Variants in KCNIP4 observed in about 807,000 individuals in gnomAD.
KCNIP4 encodes the protein potassium voltage-gated channel interacting protein 4.
Under a neutral mutation model 34.0 loss-of-function variants are expected in KCNIP4, and 12 were observed. That is an observed-to-expected ratio of 0.35 (90% CI 0.23 to 0.57). The LOEUF is 0.57. Ranked by LOEUF, KCNIP4 falls within the 20% of genes least tolerant of loss-of-function variation. The probability of loss-of-function intolerance (pLI) is 0.83; values close to 1 mark genes in which losing one functional copy is unlikely to be tolerated. For synonymous variants in KCNIP4, 124 were observed against 102.2 expected, an observed-to-expected ratio of 1.21 and a Z score of -1.29; for missense variants, 238 against 311.7, an observed-to-expected ratio of 0.76 and a Z score of 1.78.
chr4:20,740,111 G>T (rs1277678339), intron 5 of KCNIP4, among the ~76,000 whole-genome samples: 1 of 152,156 alleles, frequency 6.6e-6, no homozygotes, highest in Non-Finnish European at 1.5e-5. Flanking sequence ...ACGTCTGATT[G>T]GTGTACCTGA....
At chr4:21,106,042 T>G (rs1049265968) in intron 1 of KCNIP4, among the ~76,000 whole-genome samples, 10 of 151,628 alleles carry the variant, frequency 6.6e-5, no homozygotes, top group African/African-American at 2.2e-4. Context: ...ATCAAGGATA[T>G]TGGTCTAAAA....
chr4:21,630,294 A>G (rs968366964), intron 1 of KCNIP4, among the ~76,000 whole-genome samples: 3 of 151,820 alleles, frequency 2.0e-5, no homozygotes, highest in Non-Finnish European at 4.4e-5. Context: ...GTAAAACCCC[A>G]TCTCTACTAA....
At chr4:20,736,910 A>G (rs1342033354) in intron 5 of KCNIP4, among the ~76,000 whole-genome samples, 1 of 152,242 alleles carries the variant, frequency 6.6e-6, no homozygotes, top group Non-Finnish European at 1.5e-5. Context: ...AAAACTTAGT[A>G]CAAAGTTACA....
At chr4:21,020,289 T>G (rs62293776) in intron 1 of KCNIP4, among the ~76,000 whole-genome samples, 8,913 of 152,228 alleles carry the variant, frequency 0.059, 344 homozygotes, top group East Asian at 0.18. Context: ...TACATTGTTA[T>G]CCTCTAGGGA....
intron 1 of KCNIP4, among the ~76,000 whole-genome samples, chr4:21,372,746 G>C (rs1431133274): frequency 6.9e-6 from 1 of 145,946 alleles, no homozygotes; most frequent in Non-Finnish European, 1.5e-5. Flanking sequence ...TTACTACAAG[G>C]AATATGAACT....
intron 1 of KCNIP4, among the ~76,000 whole-genome samples, chr4:21,400,173 T>C (rs1723350896): frequency 6.6e-6 from 1 of 152,190 alleles, no homozygotes. Flanking sequence ...TAATTCATTG[T>C]ATTCCATTAG....
At chr4:21,712,272 G>A (rs527627857) in intron 1 of KCNIP4, among the ~76,000 whole-genome samples, 46 of 152,026 alleles carry the variant, frequency 3.0e-4, no homozygotes, top group Non-Finnish European at 5.7e-4. Flanking sequence ...TGTATTTAGG[G>A]AATTTACCAA....
chr4:21,670,458 T>C (rs905100779), intron 1 of KCNIP4, among the ~76,000 whole-genome samples: 2 of 149,038 alleles, frequency 1.3e-5, no homozygotes, highest in Admixed American at 6.7e-5. Flanking sequence ...CATTGGGAGA[T>C]ATACCTAATG....
At chr4:21,464,076 G>T (rs893025220) in intron 1 of KCNIP4, among the ~76,000 whole-genome samples, 11 of 151,614 alleles carry the variant, frequency 7.3e-5, no homozygotes, top group Non-Finnish European at 1.3e-4. Flanking sequence ...TCCCATTTTT[G>T]ATTTTATCAA....
chr4:20,875,466 CAT>C (rs1451053300), intron 2 of KCNIP4, among the ~76,000 whole-genome samples: 1 of 152,148 alleles, frequency 6.6e-6, no homozygotes, highest in Non-Finnish European at 1.5e-5. Context: ...GTACCAGACA[CAT>C]AGTAAGTTCT....
chr4:21,823,115 T>C (rs1207373551), intron 1 of KCNIP4, among the ~76,000 whole-genome samples: 1 of 152,136 alleles, frequency 6.6e-6, no homozygotes, highest in Admixed American at 6.6e-5. Context: ...TCTCTTAAAA[T>C]AAAAATATCT....
At chr4:21,289,514 T>C (rs1368777677) in intron 1 of KCNIP4, among the ~76,000 whole-genome samples, 2 of 152,162 alleles carry the variant, frequency 1.3e-5, no homozygotes, top group Non-Finnish European at 2.9e-5. Flanking sequence ...TCTAAGTCCC[T>C]TTTTTATTCA....
intron 1 of KCNIP4, among the ~76,000 whole-genome samples, chr4:21,305,582 G>A (rs1195466854): frequency 6.6e-6 from 1 of 152,092 alleles, no homozygotes; most frequent in Non-Finnish European, 1.5e-5. Context: ...ACCTTCCATG[G>A]CTCCCTATTT....
At chr4:21,462,399 C>T (rs1225317081) in intron 1 of KCNIP4, among the ~76,000 whole-genome samples, 1 of 152,062 alleles carries the variant, frequency 6.6e-6, no homozygotes, top group East Asian at 1.9e-4. Flanking sequence ...AAAACTCCCT[C>T]TTATAATAAC....
chr4:20,770,087 T>TA (rs1332915178), intron 3 of KCNIP4, among the ~76,000 whole-genome samples: 3 of 152,192 alleles, frequency 2.0e-5, no homozygotes, highest in Non-Finnish European at 4.4e-5. Context: ...AGATATCTAT[T>TA]AATACCTCCC....
In KCNIP4 at chr4:21,566,878, G is replaced by A. The variant is rs185151258; in HGVS notation, c.61+381693C>T. Among the ~76,000 whole-genome samples, 68 of 152,114 alleles carry A rather than the reference G, an allele frequency of 4.5e-4. 1 individual carries two copies. In the East Asian group the frequency reaches 9.5e-3, roughly 21 times the overall value. On this transcript the variant is annotated intron_variant, in intron 1 of 8. Coordinates refer to ENST00000382152, the MANE Select transcript of KCNIP4 (RefSeq NM_025221.6). Reference sequence around the variant, plus strand: ...TCAAGGAACCCACAAATGCAGCCTCGCACACATACAGGACATAAAGCCAAA... The same window carrying A: ...TCAAGGAACCCACAAATGCAGCCTCACACACATACAGGACATAAAGCCAAA...
At chr4:21,778,444 A>T (rs1286627224) in intron 1 of KCNIP4, among the ~76,000 whole-genome samples, 1 of 151,554 alleles carries the variant, frequency 6.6e-6, no homozygotes, top group African/African-American at 2.4e-5. Flanking sequence ...CATGTTACCC[A>T]GGCTGGTCTT....
At chr4:21,030,637 T>C (rs997484838) in intron 1 of KCNIP4, among the ~76,000 whole-genome samples, 2 of 152,194 alleles carry the variant, frequency 1.3e-5, no homozygotes, top group Non-Finnish European at 1.5e-5. Flanking sequence ...AGAAATGCTT[T>C]GTTTAACTAG....
intron 2 of KCNIP4, among the ~76,000 whole-genome samples, chr4:20,855,701 G>C (rs1213330959): frequency 6.6e-6 from 1 of 152,070 alleles, no homozygotes; most frequent in African/African-American, 2.4e-5. Context: ...AACACTTGGA[G>C]TGGCTATATT....
Sources: gnomAD v4.1 joint callset for allele counts (sites outside exome capture counted in the v4.1 genomes callset) on GRCh38, gnomAD v4.1.1 for gene constraint, MANE v1.5 for transcripts, NCBI Gene and HGNC (gene_info 2026-07-23, HGNC 2026-07-21) for gene names.